PRELID3A: variants seen among roughly 807,000 people sequenced by gnomAD.
The protein encoded by PRELID3A is PRELI domain containing 3A, also known as PRELI domain containing protein 3A.
Under a neutral mutation model 23.0 loss-of-function variants are expected in PRELID3A, and 27 were observed. That is an observed-to-expected ratio of 1.17 (90% confidence interval 0.87 to 1.62). The LOEUF is 1.62. Ranked by LOEUF, PRELID3A falls within the 40% of genes most tolerant of loss-of-function variation. PRELID3A has a pLI of 0.00. For synonymous variants in PRELID3A, 87 were observed against 86.4 expected (o/e 1.01, Z -0.04); for missense variants, 231 against 231.4 (o/e 1.00, Z 0.01).
At chr18:12,416,472 G>A (rs1200811232) in intron 1 of PRELID3A, among the ~76,000 whole-genome samples, 1 of 151,982 alleles carries the variant, frequency 6.6e-6, no homozygotes. Flanking sequence ...GTGCCACCAT[G>A]CCTGGTTAAT....
At chr18:12,426,563 A>AAG (rs574093746) in intron 3 of PRELID3A, among the ~76,000 whole-genome samples, 1 of 87,720 alleles carries the variant, frequency 1.1e-5, no homozygotes, top group Non-Finnish European at 2.1e-5. Flanking sequence ...CAAAAAAAAA[A>AAG]AAAGTATAAA....
chr18:12,427,423 A>G, intron 5 of PRELID3A, 100 bp downstream of exon 5: 1 of 923,820 alleles, frequency 1.1e-6, no homozygotes, highest in Non-Finnish European at 1.7e-6. Context: ...CTGGCTGGGC[A>G]TGGTGGCTCA....
chr18:12,429,242 G>A (rs2030480827), intron 5 of PRELID3A, 108 bp from the exon 6 acceptor site: 2 of 882,958 alleles, frequency 2.3e-6, no homozygotes, highest in South Asian at 2.8e-5. Context: ...GTGTCTCCTT[G>A]TAACTGCAGC....
intron 1 of PRELID3A, among the ~76,000 whole-genome samples, chr18:12,417,138 G>GT (rs1398783118): frequency 6.6e-6 from 1 of 152,076 alleles, no homozygotes; most frequent in Non-Finnish European, 1.5e-5. Flanking sequence ...ATTGTATTTA[G>GT]TTTAAATCAT....
chr18:12,425,149 AATTAG>A (rs1215942595), intron 3 of PRELID3A, among the ~76,000 whole-genome samples: 3 of 152,024 alleles, frequency 2.0e-5, no homozygotes, highest in Non-Finnish European at 4.4e-5. Flanking sequence ...AAATTAAACT[AATTAG>A]GATAAAATAA....
chr18:12,426,414 C>T (rs1289445646), intron 3 of PRELID3A, among the ~76,000 whole-genome samples: 3 of 150,972 alleles, frequency 2.0e-5, no homozygotes, highest in Admixed American at 6.6e-5. Context: ...ATTAGCTGGG[C>T]ATGGTGGCAG....
In PRELID3A at chr18:12,420,352, G is replaced by T. The variant is rs1330508043; in HGVS notation, c.60G>T (p.Ala20=). The T allele has an allele frequency of 6.2e-7, 1 of 1,611,078 alleles. No homozygotes were observed. The highest frequency in any genetic ancestry group is 2.2e-5 in the East Asian group (1 of 44,774). ...ACCCGTGGGACACGGTCATCCAGGC[G>T]GCCATGCGCAAGTACCCGAACCCGA... is the stretch of plus-strand genomic sequence containing the variant. ...FGHPWDTVIQ[A]AMRKYPNPMN... The change falls in exon 2 of 7, where the codon GCG becomes GCT. Residue 20 remains alanine (A), a synonymous_variant. Transcript: ENST00000440960.
intron 1 of PRELID3A, among the ~76,000 whole-genome samples, chr18:12,414,947 T>A (rs2029898757): frequency 6.6e-6 from 1 of 152,084 alleles, no homozygotes; most frequent in Admixed American, 6.6e-5. Flanking sequence ...TTCTTTTTTT[T>A]AGAGACGGTC....
At chr18:12,411,602 C>CA (rs766297367) in intron 1 of PRELID3A, among the ~76,000 whole-genome samples, 248 of 152,298 alleles carry the variant, frequency 1.6e-3, no homozygotes, top group Non-Finnish European at 2.9e-3. Flanking sequence ...AGGCTGCACA[C>CA]ACCTTTGATT....
chr18:12,420,209 T>C lies in PRELID3A; in HGVS notation c.33-116T>C, dbSNP rs2030111356. 2.8e-6 allele frequency: 4 copies of C among 1,447,606 alleles called. No individual in the cohort carries two copies. In the Admixed American group the frequency reaches 1.1e-4, roughly 39 times the overall value. 89.7% of individuals were successfully genotyped at this position (1,447,606 alleles called of 1,614,324 possible). On this transcript the variant is annotated intron_variant, in intron 1 of 6. Coordinates refer to ENST00000440960, the MANE Select transcript of PRELID3A (RefSeq NM_001142405.2). ...TCCTCAGATTTGTCGGACCAGCCTT[T>C]CATTAAAGTGAAGAGACTAGCGCGT...
chr18:12,429,624 G>T lies in PRELID3A; in HGVS notation c.*33+188G>T, dbSNP rs3760551. On this transcript the variant is annotated intron_variant, in intron 6 of 6. Coordinates refer to ENST00000440960, the MANE Select transcript of PRELID3A (RefSeq NM_001142405.2). The stretch of plus-strand genomic sequence containing the variant: ...CTCTTTCTATTTCATTCCTTGCTTC[G>T]TGGCAGGATTTAGATTCCGAGGAAG... Among the ~76,000 whole-genome samples the T allele has an allele frequency of 2.0e-5, 3 of 152,132 alleles. No individual in the cohort carries two copies. The South Asian group carries it at 6.2e-4, about 32-fold the overall frequency.
chr18:12,411,998 C>T (rs1396276655), intron 1 of PRELID3A, among the ~76,000 whole-genome samples: 1 of 151,634 alleles, frequency 6.6e-6, no homozygotes, highest in Non-Finnish European at 1.5e-5. Flanking sequence ...GCAAGCTCCG[C>T]CTCCCGGGTT....
rs2143359858 is a variant in PRELID3A at position 12,420,423 on chromosome 18, A to G, written c.131A>G (p.Asp44Gly). ...LGVDVLQRRV[D>G]GRGRLHSLRL... Reference sequence around the variant, plus strand: ...GTGGATGTGCTACAGCGCCGCGTGGACGGCCGCGGCCGCCTGCACAGCTTG... The same window carrying G: ...GTGGATGTGCTACAGCGCCGCGTGGGCGGCCGCGGCCGCCTGCACAGCTTG... The change falls in exon 2 of 7, where the codon GAC (aspartate) becomes GGC (glycine). Residue 44 changes from aspartate (D) to glycine (G), a missense_variant. Transcript: ENST00000440960. The G allele has an allele frequency of 1.3e-6, 2 of 1,594,354 alleles. No individual in the cohort carries two copies. The highest frequency in any genetic ancestry group is 1.7e-6 in the Non-Finnish European group (2 of 1,171,608).
chr18:12,415,498 C>T (rs2029918919), intron 1 of PRELID3A, among the ~76,000 whole-genome samples: 1 of 152,128 alleles, frequency 6.6e-6, no homozygotes, highest in African/African-American at 2.4e-5. Flanking sequence ...GTCAAGTGAT[C>T]CGCCCGCCTC....
chr18:12,408,747 T>G (rs1239823489), intron 1 of PRELID3A, among the ~76,000 whole-genome samples: 1 of 149,820 alleles, frequency 6.7e-6, no homozygotes, highest in Admixed American at 6.6e-5. Context: ...TGATGGAGAC[T>G]CTGAAGGGTG....
intron 1 of PRELID3A, among the ~76,000 whole-genome samples, chr18:12,411,543 A>G (rs2143321465): frequency 6.6e-6 from 1 of 152,260 alleles, no homozygotes; most frequent in East Asian, 1.9e-4. Flanking sequence ...ACCTATGACA[A>G]AATCATCAAT....
intron 3 of PRELID3A, among the ~76,000 whole-genome samples, chr18:12,424,079 G>C (rs998360282): frequency 6.6e-6 from 1 of 152,200 alleles, no homozygotes; most frequent in Non-Finnish European, 1.5e-5. Context: ...TTCTGCCAAT[G>C]TTCCCTGGTC....
intron 1 of PRELID3A, among the ~76,000 whole-genome samples, chr18:12,409,623 G>GT (rs1909848155): frequency 6.6e-6 from 1 of 152,102 alleles, no homozygotes; most frequent in African/African-American, 2.4e-5. Context: ...AAGGATGGGG[G>GT]CATCACTGAG....
rs763998130 is a variant in PRELID3A at position 12,407,986 on chromosome 18, G to A, written c.11G>A (p.Trp4Ter). 3.8e-6 allele frequency: 5 copies of A among 1,299,056 alleles called. No homozygotes were observed. The highest frequency in any genetic ancestry group is 4.9e-6 in the Non-Finnish European group (5 of 1,024,418). The allele number at this position is 1,299,056 out of a possible 1,614,324, so 80.5% of individuals were successfully genotyped here. A position where few individuals can be genotyped will look rare whatever the true frequency, so the allele number is the denominator to read the frequency against. ...CCTGCGCCGGCGGCAATGAAGATCT[G>A]GAGCTCGGAGCACGTGTTTGGGTGA... The part of the protein sequence containing the change: MKI[W>*]SSEHVFGHPW... The change falls in exon 1 of 7, where the codon TGG becomes TAG. Residue 4 changes from tryptophan to a stop codon, truncating the protein, a stop_gained. Coordinates refer to ENST00000440960, the MANE Select transcript of PRELID3A (RefSeq NM_001142405.2). LOFTEE classifies it high-confidence loss of function.
Sources: gnomAD v4.1 joint callset for allele counts (sites outside exome capture counted in the v4.1 genomes callset) on GRCh38, gnomAD v4.1.1 for gene constraint, MANE v1.5 for transcripts, NCBI Gene and HGNC (gene_info 2026-07-23, HGNC 2026-07-21) for gene names.